The following MSANTD3 variants were observed in gnomAD, a reference collection of about 807,000 sequenced individuals.
MSANTD3 encodes the protein Myb/SANT DNA binding domain containing 3.
A neutral mutation model predicts 27.7 loss-of-function variants in MSANTD3; 11 were observed. The observed-to-expected ratio is 0.40, with a 90% CI of 0.25 to 0.66. MSANTD3 has a LOEUF of 0.66. MSANTD3 is among the 30% of genes least tolerant of loss of function. The pLI is 0.41. For synonymous variants in MSANTD3, 131 were observed against 127.2 expected (o/e 1.03, Z -0.20); for missense variants, 250 against 336.5 (o/e 0.74, Z 2.01).
intron 2 of MSANTD3, among the ~76,000 whole-genome samples, chr9:100,446,792 A>C (rs1836763834): frequency 6.6e-6 from 1 of 151,040 alleles, no homozygotes; most frequent in Non-Finnish European, 1.5e-5. Context: ...GCACCACTGC[A>C]CTCCAGACTG....
At chr9:100,439,291 C>A (rs1836547470) in intron 1 of MSANTD3, among the ~76,000 whole-genome samples, 1 of 152,152 alleles carries the variant, frequency 6.6e-6, no homozygotes, top group East Asian at 1.9e-4. Flanking sequence ...CCTTCCCAGG[C>A]ATAGTGCGTG....
intron 1 of MSANTD3, among the ~76,000 whole-genome samples, chr9:100,428,773 G>C (rs1239340881): frequency 6.6e-6 from 1 of 152,212 alleles, no homozygotes; most frequent in Non-Finnish European, 1.5e-5. Flanking sequence ...AATGGTTGAT[G>C]AGATGCTTAA....
chr9:100,435,465 G>T (rs1256920643), intron 1 of MSANTD3, among the ~76,000 whole-genome samples: 1 of 152,118 alleles, frequency 6.6e-6, no homozygotes, highest in Non-Finnish European at 1.5e-5. Context: ...TTTCACCCTT[G>T]GTGGACTTAA....
At chr9:100,444,456 T>G (rs955212913) in intron 2 of MSANTD3, 1 of 152,318 alleles carries the variant, frequency 6.6e-6, no homozygotes, top group African/African-American at 2.4e-5. Flanking sequence ...TTGGAGATGT[T>G]TATAGCTTTA....
chr9:100,439,761 C>T (rs926423135), intron 1 of MSANTD3, among the ~76,000 whole-genome samples: 2 of 151,542 alleles, frequency 1.3e-5, no homozygotes, highest in African/African-American at 2.4e-5. Flanking sequence ...CCTCGTGATC[C>T]GCCCGCCTCA....
intron 1 of MSANTD3, among the ~76,000 whole-genome samples, chr9:100,432,908 C>T (rs956703417): frequency 1.3e-5 from 2 of 152,158 alleles, no homozygotes; most frequent in Non-Finnish European, 2.9e-5. Flanking sequence ...ACATGGATGA[C>T]CAGTACTGGA....
chr9:100,448,718 C>T (rs1326985558), intron 2 of MSANTD3: 1 of 985,310 alleles, frequency 1.0e-6, no homozygotes, highest in Non-Finnish European at 1.2e-6. Context: ...AAGTGTTCTG[C>T]CAGAGGTAGG....
chr9:100,428,386 A>T (rs528716524), intron 1 of MSANTD3, among the ~76,000 whole-genome samples: 1 of 152,234 alleles, frequency 6.6e-6, no homozygotes, highest in South Asian at 2.1e-4. Flanking sequence ...AATATTAATT[A>T]AAAAACATAG....
At chr9:100,448,410 G>A in intron 2 of MSANTD3, 2 of 985,290 alleles carry the variant, frequency 2.0e-6, no homozygotes, top group Non-Finnish European at 2.4e-6. Flanking sequence ...AAGGAAACAG[G>A]TGAGGTAATG....
At chr9:100,430,324 C>CA (rs35854801) in intron 1 of MSANTD3, among the ~76,000 whole-genome samples, 13,935 of 95,862 alleles carry the variant, frequency 0.15, 1,088 homozygotes, top group South Asian at 0.32. Context: ...GACTCTGTGT[C>CA]AAAAAAAAAA....
intron 1 of MSANTD3, among the ~76,000 whole-genome samples, chr9:100,431,128 G>A (rs1836367542): frequency 6.6e-6 from 1 of 151,646 alleles, no homozygotes; most frequent in African/African-American, 2.4e-5. Flanking sequence ...TCAGCCTCCT[G>A]AATAGCTGGG....
Position 100,450,653 on chromosome 9 carries a change from G to A in MSANTD3, c.515G>A (p.Cys172Tyr). Residue 172 changes from cysteine (C) to tyrosine (Y), a missense_variant, in exon 3 of 3, where the codon TGT (cysteine) becomes TAT (tyrosine). Cys to Tyr is a radical substitution (Grantham distance 194). Around this residue, in one of 3 missense-constraint regions of MSANTD3, gnomAD observed 235 missense variants for 299.3 expected, o/e 0.79. Coordinates refer to ENST00000395067, the MANE Select transcript of MSANTD3 (RefSeq NM_080655.3). ...GGGACCTCTCAACCTGAACCCTCGT[G>A]TTCAGCTGTCAGAATAACAGCCAAT... Reference protein sequence around the residue: ...CEGTSQPEPSCSAVRITANKN... With the variant: ...CEGTSQPEPSYSAVRITANKN... 1 of 1,614,094 alleles carries A rather than the reference G, an allele frequency of 6.2e-7. No homozygotes were observed. Among genetic ancestry groups the A allele is most frequent in the Non-Finnish European group, 8.5e-7 (1 of 1,180,012 alleles).
rs1836891922 is a variant in MSANTD3, at chr9:100,451,655, T to G, written c.*689T>G. On this transcript the variant is annotated 3_prime_UTR_variant, in exon 3 of 3. Transcript: ENST00000395067. ...GTTTTGTTGGAGCTAAGGATGTAAC[T>G]ACTTTGAGGAAGAAATGTTCGTTTA... The G allele has an allele frequency of 6.6e-6, 1 of 151,728 alleles. No individual in the cohort carries two copies. The highest frequency in any genetic ancestry group is 2.4e-5 in the African/African-American group (1 of 41,220). 9.4% of individuals were successfully genotyped at this position (151,728 alleles called of 1,614,324 possible). A position where few individuals can be genotyped will look rare whatever the true frequency, so the allele number is the denominator to read the frequency against.
At chr9:100,446,822 G>A (rs1366925787) in intron 2 of MSANTD3, among the ~76,000 whole-genome samples, 6 of 134,098 alleles carry the variant, frequency 4.5e-5, no homozygotes, top group Admixed American at 7.2e-5. Flanking sequence ...GCCAGACTTC[G>A]TCTAAAAAAA....
At chr9:100,440,294 A>C (rs1836579660) in intron 1 of MSANTD3, among the ~76,000 whole-genome samples, 1 of 152,146 alleles carries the variant, frequency 6.6e-6, no homozygotes, top group Non-Finnish European at 1.5e-5. Flanking sequence ...GGGCAGTCCA[A>C]GCTCTGGACT....
At chr9:100,445,558 TTTTA>T (rs1257227685) in intron 2 of MSANTD3, among the ~76,000 whole-genome samples, 1 of 152,224 alleles carries the variant, frequency 6.6e-6, no homozygotes, top group Non-Finnish European at 1.5e-5. Flanking sequence ...TTTCACCTTT[TTTTA>T]TTTTTCTAAT....
At chr9:100,427,479 C>G (rs1238605257) in intron 1 of MSANTD3, 86 bp downstream of exon 1, 1 of 150,142 alleles carries the variant, frequency 6.7e-6, no homozygotes, top group Non-Finnish European at 1.5e-5. Flanking sequence ...GGCCGGGGGC[C>G]GGCATGGAGG....
At chr9:100,430,274 G>T (rs1487667304) in intron 1 of MSANTD3, among the ~76,000 whole-genome samples, 1 of 151,006 alleles carries the variant, frequency 6.6e-6, no homozygotes, top group Non-Finnish European at 1.5e-5. Flanking sequence ...TGGGCCGGGC[G>T]CGGTGGCTCA....
intron 2 of MSANTD3, chr9:100,445,352 C>A (rs763738829): frequency 1.5e-6 from 1 of 665,844 alleles, no homozygotes; most frequent in Non-Finnish European, 2.6e-6. Flanking sequence ...ACAGTTGTCA[C>A]AAGCCACATG....
Sources: allele counts gnomAD v4.1 joint callset (sites outside exome capture counted in the v4.1 genomes callset), GRCh38; gene constraint gnomAD v4.1.1; regional missense constraint gnomAD v4.1.1; transcripts MANE v1.5; gene names NCBI Gene and HGNC (gene_info 2026-07-23, HGNC 2026-07-21).